Variants in ZPLD1 observed in about 807,000 individuals in gnomAD.
ZPLD1 encodes the protein zona pellucida like domain containing 1.
Under a neutral mutation model 47.2 loss-of-function variants are expected in ZPLD1, and 34 were observed. That is an observed-to-expected ratio of 0.72 (90% confidence interval 0.55 to 0.96). The LOEUF (loss-of-function observed/expected upper bound fraction) is 0.96, where lower values mean the gene tolerates loss of function less well. Among genes scored for constraint, ZPLD1 ranks in the 40% least tolerant of loss-of-function variants. ZPLD1 has a pLI of 0.00. For missense variants in ZPLD1, 512 were observed against 505.8 expected (o/e 1.01, Z -0.12); for synonymous variants, 176 against 186.2 (o/e 0.95, Z 0.45).
At chr3:102,467,774 G>C (rs747509253) in intron 8 of ZPLD1, among the ~76,000 whole-genome samples, 6 of 151,556 alleles carry the variant, frequency 4.0e-5, no homozygotes, top group Non-Finnish European at 8.8e-5. Flanking sequence ...ACTGGCTTCA[G>C]TGTAAATACT....
Position 102,445,190 on chromosome 3 carries a change from T to C in ZPLD1, c.106+6597T>C, listed in dbSNP as rs1338026887. ...CAGAGATGGGGGTAAGAGAAGAGGC[T>C]GATCCTGTTCCCAATTTTGTTTCAC... is the stretch of plus-strand genomic sequence containing the variant. On this transcript the variant is annotated intron_variant, in intron 3 of 11. Coordinates refer to ENST00000466937, the MANE Select transcript of ZPLD1 (RefSeq NM_001329788.2). Among the ~76,000 whole-genome samples, 8 of 152,212 alleles carry C rather than the reference T, an allele frequency of 5.3e-5. No individual in the cohort carries two copies. In the East Asian group the frequency reaches 1.5e-3, roughly 29 times the overall value.
rs1485249915 is a variant in ZPLD1 at position 102,424,200 on chromosome 3, T to C, written c.-9+5993T>C. On this transcript the variant is annotated intron_variant, in intron 8 of 17. Transcript: ENST00000491959. The stretch of plus-strand genomic sequence containing the variant: ...TCAATGAGCAAAAGAGAAAACACTA[T>C]TGTTATAAATTGTCCTCGTCTCTCC... Among the ~76,000 whole-genome samples, 3 of 152,278 alleles carry C rather than the reference T, an allele frequency of 2.0e-5. No homozygotes were observed. In the East Asian group the frequency reaches 5.8e-4, roughly 29 times the overall value.
At chr3:102,420,876 A>C (rs1706869307) in intron 8 of ZPLD1, among the ~76,000 whole-genome samples, 1 of 152,002 alleles carries the variant, frequency 6.6e-6, no homozygotes, top group African/African-American at 2.4e-5. Flanking sequence ...AAAGTGGCTA[A>C]GCCACAAGAA....
chr3:102,415,035 G>A (rs1706788962), intron 7 of ZPLD1, among the ~76,000 whole-genome samples: 2 of 151,886 alleles, frequency 1.3e-5, no homozygotes, highest in African/African-American at 4.8e-5. Flanking sequence ...TAAATTACTT[G>A]TTGAGCTGGG....
chr3:102,475,872 T>C (rs1375649099), intron 10 of ZPLD1, among the ~76,000 whole-genome samples: 1 of 152,156 alleles, frequency 6.6e-6, no homozygotes, highest in Non-Finnish European at 1.5e-5. Flanking sequence ...CACCAGGTTC[T>C]CCCATTACTT....
At chr3:102,459,722 G>A (rs1188908688) in intron 6 of ZPLD1, among the ~76,000 whole-genome samples, 2 of 152,102 alleles carry the variant, frequency 1.3e-5, no homozygotes, top group East Asian at 3.8e-4. Context: ...TGGCAGAAAA[G>A]TTGATTAGAA....
chr3:102,473,138 C>T lies in ZPLD1; in HGVS notation c.1042+2636C>T, dbSNP rs374307094. 1.1e-4 allele frequency among the ~76,000 whole-genome samples: 17 copies of T among 152,272 alleles called. No individual in the cohort carries two copies. In the East Asian group the frequency reaches 3.1e-3, roughly 28 times the overall value. On this transcript the variant is annotated intron_variant, in intron 10 of 11. Coordinates refer to ENST00000466937, the MANE Select transcript of ZPLD1 (RefSeq NM_001329788.2). ...AAACCCATCCCCATGATTCAATTACCTCCCACAACATGTGGGTATTATGGA... is the reference window on the plus strand; with the variant it reads ...AAACCCATCCCCATGATTCAATTACTTCCCACAACATGTGGGTATTATGGA...
chr3:102,417,885 GA>G (rs914010937), intron 7 of ZPLD1, among the ~76,000 whole-genome samples: 2 of 151,276 alleles, frequency 1.3e-5, no homozygotes, highest in African/African-American at 4.9e-5. Flanking sequence ...GCAGGTAGGG[GA>G]AAAAAAGAGA....
intron 7 of ZPLD1, among the ~76,000 whole-genome samples, chr3:102,411,205 C>T (rs113811557): frequency 0.012 from 1,781 of 151,806 alleles, 31 homozygotes; most frequent in African/African-American, 0.04. Context: ...GAGCTGGAGG[C>T]AAATTGGATT....
chr3:102,389,501 T>G (rs1030634292), intron 6 of ZPLD1, among the ~76,000 whole-genome samples: 9 of 152,176 alleles, frequency 5.9e-5, no homozygotes, highest in Non-Finnish European at 1.0e-4. Flanking sequence ...TATTTTTTAT[T>G]AAAAAAACTT....
intron 7 of ZPLD1, among the ~76,000 whole-genome samples, chr3:102,463,891 A>AAAAAT (rs1707548333): frequency 6.6e-6 from 1 of 150,540 alleles, no homozygotes; most frequent in Admixed American, 6.6e-5. Flanking sequence ...TACAAAAAAA[A>AAAAAT]AAAAAAAAAA....
chr3:102,428,048 C>T (rs1706970814), intron 8 of ZPLD1, among the ~76,000 whole-genome samples: 1 of 152,144 alleles, frequency 6.6e-6, no homozygotes. Context: ...AGTAAAGTCA[C>T]ATCAAACTGG....
At chr3:102,466,109 C>A (rs189839297) in intron 8 of ZPLD1, among the ~76,000 whole-genome samples, 58 of 152,270 alleles carry the variant, frequency 3.8e-4, no homozygotes, top group African/African-American at 1.4e-3. Context: ...AAGGAATCGC[C>A]TGGGAAGGCA....
At chr3:102,465,733 T>G (rs1707581628) in intron 8 of ZPLD1, among the ~76,000 whole-genome samples, 1 of 151,978 alleles carries the variant, frequency 6.6e-6, no homozygotes, top group Non-Finnish European at 1.5e-5. Context: ...AATGCATAAC[T>G]AAAGAAAAAA....
At chr3:102,468,165 T>C (rs971554365) in intron 8 of ZPLD1, among the ~76,000 whole-genome samples, 3 of 152,146 alleles carry the variant, frequency 2.0e-5, no homozygotes, top group Non-Finnish European at 4.4e-5. Flanking sequence ...ATTTGATCCA[T>C]ACATTTCGCT....
chr3:102,463,883 C>CAAAAAA (rs1211126564), intron 7 of ZPLD1, among the ~76,000 whole-genome samples: 1,584 of 110,116 alleles, frequency 0.014, 18 homozygotes, highest in Middle Eastern at 0.039. Flanking sequence ...ATTAAAAATA[C>CAAAAAA]AAAAAAAAAA....
At chr3:102,399,388 G>A (rs1297344212) in intron 7 of ZPLD1, among the ~76,000 whole-genome samples, 1 of 151,896 alleles carries the variant, frequency 6.6e-6, no homozygotes, top group African/African-American at 2.4e-5. Flanking sequence ...TTCAGTCATG[G>A]GTGGCCTTCA....
chr3:102,437,554 G>A (rs1707108802), intron 2 of ZPLD1, among the ~76,000 whole-genome samples: 1 of 152,040 alleles, frequency 6.6e-6, no homozygotes, highest in African/African-American at 2.4e-5. Context: ...TTTATGCGTA[G>A]ACCAAGACCA....
chr3:102,444,005 C>T (rs1378879255), intron 3 of ZPLD1, among the ~76,000 whole-genome samples: 1 of 152,216 alleles, frequency 6.6e-6, no homozygotes, highest in Non-Finnish European at 1.5e-5. Context: ...TATTGCTGAT[C>T]ACATTCTGAT....
Sources: gnomAD v4.1 joint callset for allele counts (sites outside exome capture counted in the v4.1 genomes callset) on GRCh38, gnomAD v4.1.1 for gene constraint, MANE v1.5 for transcripts, NCBI Gene and HGNC (gene_info 2026-07-23, HGNC 2026-07-21) for gene names.